DEDD: variants seen among roughly 807,000 people sequenced by gnomAD.
The protein encoded by DEDD is death effector domain-containing protein.
DEDD carries 3 observed loss-of-function variants against 29.2 expected under a neutral mutation model. The ratio of observed to expected loss-of-function variants is 0.10; its 90% CI spans 0.05 to 0.27. The LOEUF is 0.27. Among genes scored for constraint, DEDD ranks in the 10% least tolerant of loss-of-function variants. The pLI, the probability that DEDD is intolerant of heterozygous loss-of-function variation, is 1.00. For synonymous variants in DEDD, 152 were observed against 161.3 expected (o/e 0.94, Z 0.44); for missense variants, 261 against 420.5 (o/e 0.62, Z 3.32).
Position 161,122,123 on chromosome 1 carries a change from C to A in DEDD, c.*24G>T, listed in dbSNP as rs887692194. 1.9e-6 allele frequency: 3 copies of A among 1,609,654 alleles called. No homozygotes were observed. Among genetic ancestry groups the A allele is most frequent in the African/African-American group, 2.7e-5 (2 of 74,742 alleles). ...CCAGAGGTGGGTGATGGGAACAGTC[C>A]CCAAAGTGAGAAGAGGGAATAGGTC... On this transcript the variant is annotated 3_prime_UTR_variant, in exon 6 of 6. Transcript: ENST00000368006. This position sits in a 1 kb window ranked among gnomAD's most constrained non-coding sequence, Gnocchi z 4.2.
intron 4 of DEDD, among the ~76,000 whole-genome samples, 162 bp downstream of exon 4, chr1:161,123,677 C>T (rs1216549025): frequency 1.3e-5 from 2 of 148,510 alleles, no homozygotes; most frequent in East Asian, 2.0e-4. Context: ...AGAGCAAATA[C>T]AGGACCTAGG....
At chr1:161,124,578 TCATGCATTCCC>T in intron 2 of DEDD, 52 bp from the exon 3 acceptor site, 1 of 1,476,082 alleles carries the variant, frequency 6.8e-7, no homozygotes. Context: ...GGAACTAGTC[TCATGCATTCCC>T]ATATTCCCAG....
At chr1:161,124,692 G>GT in intron 2 of DEDD, 166 bp from the exon 3 acceptor site, 3 of 914,828 alleles carry the variant, frequency 3.3e-6, no homozygotes, top group Non-Finnish European at 4.5e-6. Flanking sequence ...CCAGGCACAG[G>GT]GGCTCACACC....
Position 161,122,654 on chromosome 1 carries a change from T to A in DEDD, c.581-131A>T. On this transcript the variant is annotated intron_variant, in intron 5 of 5. Transcript: ENST00000368006. This position sits in a 1 kb window ranked among gnomAD's most constrained non-coding sequence, Gnocchi z 4.2. ...ATCACCTGACAGCTTCTCTACCTCTTCCCCAGGACTATTTCTATGTATCTC... is the reference window on the plus strand; with the variant it reads ...ATCACCTGACAGCTTCTCTACCTCTACCCCAGGACTATTTCTATGTATCTC... 3 of 1,171,684 alleles carry A rather than the reference T, an allele frequency of 2.6e-6. No homozygotes were observed. The highest frequency in any genetic ancestry group is 3.1e-5 in the South Asian group (2 of 64,060). 72.6% of individuals were successfully genotyped at this position (1,171,684 alleles called of 1,614,324 possible).
chr1:161,122,995 A>T lies in DEDD; in HGVS notation c.580+80T>A. 1 of 1,614,108 alleles carries T rather than the reference A, an allele frequency of 6.2e-7. No individual in the cohort carries two copies. Among genetic ancestry groups the T allele is most frequent in the Non-Finnish European group, 8.5e-7 (1 of 1,179,936 alleles). ...CAAAGTGAATCTCACACTGAATAGCATAAACTGCCCAGTGTCCCAGCAGTT... is the reference window on the plus strand; with the variant it reads ...CAAAGTGAATCTCACACTGAATAGCTTAAACTGCCCAGTGTCCCAGCAGTT... On this transcript the variant is annotated intron_variant, in intron 5 of 5. Transcript: ENST00000368006. The surrounding 1 kb of genome is among the most constrained non-coding windows in gnomAD (Gnocchi z 4.2).
intron 2 of DEDD, among the ~76,000 whole-genome samples, chr1:161,127,775 C>G (rs961079813): frequency 1.5e-4 from 23 of 152,302 alleles, no homozygotes; most frequent in Admixed American, 1.2e-3. Context: ...GAAAACTGAG[C>G]CTCCTCAGAG....
At chr1:161,124,670 A>T in intron 2 of DEDD, 144 bp from the exon 3 acceptor site, 1 of 1,135,170 alleles carries the variant, frequency 8.8e-7, no homozygotes, top group Non-Finnish European at 1.2e-6. Context: ...TTTGTTTAAA[A>T]ATAAACACTG....
intron 2 of DEDD, among the ~76,000 whole-genome samples, chr1:161,126,062 A>G (rs113162505): frequency 3.9e-5 from 6 of 152,282 alleles, no homozygotes; most frequent in African/African-American, 1.4e-4. Flanking sequence ...ACACTCTCCA[A>G]TCACACAATC....
chr1:161,126,336 C>A (rs1656166448), intron 2 of DEDD, among the ~76,000 whole-genome samples: 2 of 151,440 alleles, frequency 1.3e-5, no homozygotes, highest in South Asian at 4.2e-4. Context: ...TAAGAACACT[C>A]CAAACTCTTT....
Position 161,122,933 on chromosome 1 carries a change from G to T in DEDD, c.580+142C>A. The T allele has an allele frequency of 6.6e-7, 1 of 1,512,930 alleles. No individual in the cohort carries two copies. Among genetic ancestry groups the T allele is most frequent in the Non-Finnish European group, 9.2e-7 (1 of 1,089,432 alleles). The allele number at this position is 1,512,930 out of a possible 1,614,324, so 93.7% of individuals were successfully genotyped here. ...ATCATAAAGAGCAGTTCTTCCACCA[G>T]ACACCAAACCATTCAGCCTCACTTT... On this transcript the variant is annotated intron_variant, in intron 5 of 5. Coordinates refer to ENST00000368006, the MANE Select transcript of DEDD (RefSeq NM_032998.3). The surrounding 1 kb of genome is among the most constrained non-coding windows in gnomAD (Gnocchi z 4.2).
chr1:161,122,021 CT>C lies in DEDD; in HGVS notation c.*125del. On this transcript the variant is annotated 3_prime_UTR_variant, in exon 6 of 6. Transcript: ENST00000368006. The surrounding 1 kb of genome is among the most constrained non-coding windows in gnomAD (Gnocchi z 4.2). ...CACTTCCACTTTCTTTTGTCTTTTT[CT>C]TTAAAAAAAAAAAAAAAAAGGCAGG... 2.1e-5 allele frequency: 23 copies of C among 1,119,866 alleles called. No homozygotes were observed. The highest frequency in any genetic ancestry group is 2.3e-5 in the Non-Finnish European group (19 of 821,848). The allele number at this position is 1,119,866 out of a possible 1,614,324, so 69.4% of individuals were successfully genotyped here.
Position 161,122,440 on chromosome 1 carries a change from G to T in DEDD, c.664C>A (p.Leu222Ile). 2 of 1,614,244 alleles carry T rather than the reference G, an allele frequency of 1.2e-6. No homozygotes were observed. The highest frequency in any genetic ancestry group is 2.2e-5 in the South Asian group (2 of 91,092). ...GNVFSNKQDP[L>I]ERQFERFNQA... The stretch of plus-strand genomic sequence containing the variant: ...TTAAAGCGCTCAAACTGGCGCTCAA[G>T]TGGGTCCTGCTTGTTAGAGAAGACA... The change falls in exon 6 of 6, where the codon CTT becomes ATT. Residue 222 changes from leucine to isoleucine, a missense_variant. This residue lies in a region of DEDD where 58 missense variants were observed against 151.8 expected (regional missense o/e 0.38). Coordinates refer to ENST00000368006, the MANE Select transcript of DEDD (RefSeq NM_032998.3). The surrounding 1 kb of genome is among the most constrained non-coding windows in gnomAD (Gnocchi z 4.2).
Position 161,122,599 on chromosome 1 carries a change from A to G in DEDD, c.581-76T>C, listed in dbSNP as rs575984295. The G allele has an allele frequency of 2.1e-5, 32 of 1,530,554 alleles. No homozygotes were observed. The highest frequency in any genetic ancestry group is 2.6e-5 in the Non-Finnish European group (30 of 1,135,252). 94.8% of individuals were successfully genotyped at this position (1,530,554 alleles called of 1,614,324 possible). Reference sequence around the variant, plus strand: ...TTTACAAGCCAAGCTTGAAAACTGAAAAGCACAACAGAATAAAAAAGTAGG... The same window carrying G: ...TTTACAAGCCAAGCTTGAAAACTGAGAAGCACAACAGAATAAAAAAGTAGG... On this transcript the variant is annotated intron_variant, in intron 5 of 5. Transcript: ENST00000368006. The surrounding 1 kb of genome is among the most constrained non-coding windows in gnomAD (Gnocchi z 4.2).
At chr1:161,129,330 C>A (rs146594109) in intron 2 of DEDD, among the ~76,000 whole-genome samples, 1 of 152,086 alleles carries the variant, frequency 6.6e-6, no homozygotes, top group African/African-American at 2.4e-5. Context: ...CATGGTGGCT[C>A]ACACTTGTAA....
rs534390266 is a variant in DEDD at position 161,121,294 on chromosome 1, T to A, written c.*853A>T. On this transcript the variant is annotated 3_prime_UTR_variant, in exon 6 of 6. Coordinates refer to ENST00000368006, the MANE Select transcript of DEDD (RefSeq NM_032998.3). ...TACTTCACTTACACCTATGATGCCC[T>A]TTGCCCAAGCCAGAAGAAAGCAAAG... is the stretch of plus-strand genomic sequence containing the variant. 1.5e-4 allele frequency: 85 copies of A among 566,562 alleles called. No homozygotes were observed. The highest frequency in any genetic ancestry group is 1.9e-4 in the Non-Finnish European group (83 of 446,412). The allele number at this position is 566,562 out of a possible 1,614,324, so 35.1% of individuals were successfully genotyped here. A position where few individuals can be genotyped will look rare whatever the true frequency, so the allele number is the denominator to read the frequency against.
At chr1:161,128,077 C>T (rs1656336451) in intron 2 of DEDD, among the ~76,000 whole-genome samples, 1 of 152,106 alleles carries the variant, frequency 6.6e-6, no homozygotes, top group Non-Finnish European at 1.5e-5. Flanking sequence ...AGTTAACTCC[C>T]TACATTTGAG....
chr1:161,124,115 T>C (rs1462665927), intron 3 of DEDD, 23 bp downstream of exon 3: 2 of 1,600,278 alleles, frequency 1.2e-6, no homozygotes, highest in Admixed American at 3.4e-5. Context: ...CTTCCCTGAT[T>C]CCAGCCCCTA....
rs1339034999 is a variant in DEDD at position 161,121,939 on chromosome 1, AAAAGGGAAAT to A, written c.*198_*207del. 1 of 601,724 alleles carries A rather than the reference AAAAGGGAAAT, an allele frequency of 1.7e-6. No individual in the cohort carries two copies. Among genetic ancestry groups the A allele is most frequent in the African/African-American group, 1.9e-5 (1 of 54,020 alleles). The allele number at this position is 601,724 out of a possible 1,614,324, so 37.3% of individuals were successfully genotyped here. ...TAGAGACACATTACGGGGTAAATGGAAAAGGGAAATAAAGGGGAAGCCCAGGCACATGGGT... is the reference window on the plus strand; with the variant it reads ...TAGAGACACATTACGGGGTAAATGGAAAAGGGGAAGCCCAGGCACATGGGT... On this transcript the variant is annotated 3_prime_UTR_variant, in exon 6 of 6. Transcript: ENST00000368006.
chr1:161,121,019 C>T lies in DEDD; in HGVS notation c.*1128G>A. On this transcript the variant is annotated 3_prime_UTR_variant, in exon 6 of 6. Coordinates refer to ENST00000368006, the MANE Select transcript of DEDD (RefSeq NM_032998.3). ...TTATTTCATGGAAACTGAAGTTCTG[C>T]TGAGGGCTGAGCAGCACTGGCATTG... 1 of 1,370,324 alleles carries T rather than the reference C, an allele frequency of 7.3e-7. No individual in the cohort carries two copies. Among genetic ancestry groups the T allele is most frequent in the Non-Finnish European group, 9.4e-7 (1 of 1,061,128 alleles). 84.9% of individuals were successfully genotyped at this position (1,370,324 alleles called of 1,614,324 possible). A position where few individuals can be genotyped will look rare whatever the true frequency, so the allele number is the denominator to read the frequency against.
Sources: allele counts gnomAD v4.1 joint callset (sites outside exome capture counted in the v4.1 genomes callset), GRCh38; gene constraint gnomAD v4.1.1; regional missense constraint gnomAD v4.1.1; non-coding constraint Gnocchi (gnomAD v3.1); transcripts MANE v1.5; gene names NCBI Gene and HGNC (gene_info 2026-07-23, HGNC 2026-07-21).